The following CFAP299 variants were observed in gnomAD, a reference collection of about 807,000 sequenced individuals.
CFAP299 encodes cilia and flagella associated protein 299.
CFAP299 carries 21 observed loss-of-function variants against 27.0 expected under a neutral mutation model. The observed-to-expected ratio is 0.78, with a 90% CI of 0.55 to 1.12. The LOEUF (loss-of-function observed/expected upper bound fraction) is 1.12, where lower values mean the gene tolerates loss of function less well. CFAP299 is among the 50% of genes most tolerant of loss of function. CFAP299 has a pLI of 0.00. For synonymous variants in CFAP299, 104 were observed against 98.1 expected (o/e 1.06, Z -0.36); for missense variants, 310 against 276.6 (o/e 1.12, Z -0.86).
chr4:80,920,811 G>T (rs1472602737), intron 4 of CFAP299, among the ~76,000 whole-genome samples: 1 of 151,974 alleles, frequency 6.6e-6, no homozygotes, highest in Non-Finnish European at 1.5e-5. Context: ...ATAAAGTAAG[G>T]GTGAGGATTT....
the CFAP299 span, among the ~76,000 whole-genome samples, chr4:80,329,236 C>CA: frequency 8.7e-4 from 87 of 100,038 alleles, 3 homozygotes; most frequent in African/African-American, 3.6e-3. Context: ...TATATGTTAT[C>CA]ATTGCTCCTG....
rs192497648 is a variant in CFAP299 at position 80,936,318 on chromosome 4, T to A, written c.477-8492T>A. On this transcript the variant is annotated intron_variant, in intron 4 of 5. Coordinates refer to ENST00000358105, the MANE Select transcript of CFAP299 (RefSeq NM_152770.3). The stretch of plus-strand genomic sequence containing the variant: ...ATACCTAAAGGAATATAAATCATTT[T>A]ATGATATAAATGCATGTGTATGTTC... Among the ~76,000 whole-genome samples, 468 of 152,246 alleles carry A rather than the reference T, an allele frequency of 3.1e-3. 2 individuals are homozygous for A. The highest frequency in any genetic ancestry group is 0.011 in the African/African-American group (449 of 41,570).
intron 2 of CFAP299, among the ~76,000 whole-genome samples, chr4:80,496,474 G>T (rs74803210): frequency 6.6e-6 from 1 of 152,116 alleles, no homozygotes; most frequent in African/African-American, 2.4e-5. Flanking sequence ...ATTTCCATGT[G>T]AGATCTCATC....
intron 1 of CFAP299, among the ~76,000 whole-genome samples, chr4:80,358,171 T>C (rs770244498): frequency 1.3e-5 from 2 of 152,184 alleles, no homozygotes; most frequent in Non-Finnish European, 2.9e-5. Flanking sequence ...TAGTTTTGAT[T>C]TCTAGTTTGA....
At chr4:80,905,523 T>G (rs1735139515) in intron 4 of CFAP299, among the ~76,000 whole-genome samples, 1 of 152,134 alleles carries the variant, frequency 6.6e-6, no homozygotes, top group African/African-American at 2.4e-5. Context: ...GCAGTAATAT[T>G]CTTAGTGCTT....
chr4:80,514,267 G>C (rs1340982678), intron 2 of CFAP299, among the ~76,000 whole-genome samples: 1 of 151,986 alleles, frequency 6.6e-6, no homozygotes, highest in South Asian at 2.1e-4. Flanking sequence ...ACCAAAGTTT[G>C]AGCACGGCAT....
At chr4:80,604,006 T>C (rs1737504509) in intron 3 of CFAP299, among the ~76,000 whole-genome samples, 1 of 152,148 alleles carries the variant, frequency 6.6e-6, no homozygotes, top group African/African-American at 2.4e-5. Flanking sequence ...TAAAAAATAC[T>C]TGAATATAAA....
rs868585364 is a variant in CFAP299, at chr4:80,708,605, G to A, written c.333+125422G>A. 5.9e-5 allele frequency among the ~76,000 whole-genome samples: 9 copies of A among 152,146 alleles called. No individual in the cohort carries two copies. In the South Asian group the frequency reaches 8.3e-4, roughly 14 times the overall value. On this transcript the variant is annotated intron_variant, in intron 3 of 5. Coordinates refer to ENST00000358105, the MANE Select transcript of CFAP299 (RefSeq NM_152770.3). ...AAATATTTATGAAAAAGTGCCTTTC[G>A]TGTTAATATTTTTAACATACTGAAA... is the stretch of plus-strand genomic sequence containing the variant.
chr4:80,939,542 A>T (rs370268929), intron 4 of CFAP299, among the ~76,000 whole-genome samples: 11 of 151,764 alleles, frequency 7.2e-5, no homozygotes, highest in African/African-American at 1.9e-4. Context: ...CACTTTGTTT[A>T]TGTACTGCTT....
At chr4:80,643,493 T>A (rs1400349830) in intron 3 of CFAP299, among the ~76,000 whole-genome samples, 3 of 152,176 alleles carry the variant, frequency 2.0e-5, no homozygotes, top group African/African-American at 7.2e-5. Flanking sequence ...GCAGGATAGT[T>A]GTATATTGAT....
chr4:80,897,643 A>T (rs908356925), intron 4 of CFAP299, among the ~76,000 whole-genome samples: 1 of 152,154 alleles, frequency 6.6e-6, no homozygotes, highest in African/African-American at 2.4e-5. Context: ...CGAAGCTCCT[A>T]CCACTGTGGA....
At chr4:80,492,290 G>A (rs1233700971) in intron 2 of CFAP299, among the ~76,000 whole-genome samples, 2 of 152,174 alleles carry the variant, frequency 1.3e-5, no homozygotes, top group African/African-American at 4.8e-5. Context: ...TGAGGGCTAT[G>A]TCATGGGCCA....
intron 2 of CFAP299, among the ~76,000 whole-genome samples, chr4:80,498,633 A>C (rs1234213367): frequency 6.6e-6 from 1 of 152,186 alleles, no homozygotes; most frequent in African/African-American, 2.4e-5. Flanking sequence ...GAACATTTAC[A>C]TACCACTAGT....
intron 2 of CFAP299, among the ~76,000 whole-genome samples, chr4:80,416,886 A>G (rs1271574394): frequency 1.3e-5 from 2 of 152,212 alleles, no homozygotes; most frequent in Non-Finnish European, 2.9e-5. Context: ...CCAGACTCCA[A>G]GAAGGGGTTC....
chr4:80,449,842 T>C (rs1209637503), intron 2 of CFAP299, among the ~76,000 whole-genome samples: 1 of 151,948 alleles, frequency 6.6e-6, no homozygotes, highest in Non-Finnish European at 1.5e-5. Context: ...TTATTTAATA[T>C]TTATAAATAT....
chr4:80,860,091 T>C (rs894135023), intron 3 of CFAP299, among the ~76,000 whole-genome samples: 6 of 152,226 alleles, frequency 3.9e-5, no homozygotes, highest in African/African-American at 1.2e-4. Context: ...CCCATATTTC[T>C]TGGAGGCTTT....
intron 3 of CFAP299, among the ~76,000 whole-genome samples, chr4:80,855,976 T>C (rs1423665683): frequency 4.3e-4 from 65 of 151,892 alleles, no homozygotes; most frequent in African/African-American, 1.0e-3. Context: ...CCTGAGGAAT[T>C]GCCACACTGA....
chr4:80,829,990 G>A (rs1350193319), intron 3 of CFAP299, among the ~76,000 whole-genome samples: 1 of 152,048 alleles, frequency 6.6e-6, no homozygotes, highest in Non-Finnish European at 1.5e-5. Flanking sequence ...GAAAATAACT[G>A]TAGAGATAGA....
chr4:80,925,276 G>C (rs1332629103), intron 4 of CFAP299, among the ~76,000 whole-genome samples: 1 of 151,598 alleles, frequency 6.6e-6, no homozygotes, highest in African/African-American at 2.4e-5. Context: ...ATCTTCCTAG[G>C]GTTCATCATC....
Sources: gnomAD v4.1 joint callset for allele counts (sites outside exome capture counted in the v4.1 genomes callset) on GRCh38, gnomAD v4.1.1 for gene constraint, MANE v1.5 for transcripts, NCBI Gene and HGNC (gene_info 2026-07-23, HGNC 2026-07-21) for gene names.